PTGER3: variants seen among roughly 807,000 people sequenced by gnomAD.
The protein encoded by PTGER3 is prostaglandin E receptor 3, also known as prostaglandin E2 receptor EP3 subtype.
Under a neutral mutation model 34.7 loss-of-function variants are expected in PTGER3, and 22 were observed. That is an observed-to-expected ratio of 0.63 (90% confidence interval 0.45 to 0.91). PTGER3 has a LOEUF of 0.91. Ranked by LOEUF, PTGER3 falls within the 40% of genes least tolerant of loss-of-function variation. PTGER3 has a pLI of 0.00. For synonymous variants in PTGER3, 241 were observed against 230.1 expected (o/e 1.05, Z -0.43); for missense variants, 468 against 519.4 (o/e 0.90, Z 0.96).
chr1:71,009,007 C>CT, intron 2 of PTGER3: 1 of 984,006 alleles, frequency 1.0e-6, no homozygotes, highest in Non-Finnish European at 1.2e-6. Flanking sequence ...TTTCTATTTT[C>CT]TTTTTCTGAG....
chr1:70,875,669 T>C (rs1316176060), intron 4 of PTGER3, among the ~76,000 whole-genome samples: 2 of 152,170 alleles, frequency 1.3e-5, no homozygotes, highest in Non-Finnish European at 2.9e-5. Context: ...TTCCTTTCTT[T>C]ATGGTCATGT....
Position 70,929,308 on chromosome 1 carries a change from T to C in PTGER3, c.*23+24455A>G, listed in dbSNP as rs573256151. On this transcript the variant is annotated intron_variant, in intron 4 of 4. Coordinates refer to the PTGER3 transcript ENST00000370931. ...TTGTCTATCATTCAGCAGTAACATC[T>C]TGGTTACTGGGCTAATCTTAAAATC... Among the ~76,000 whole-genome samples, 203 of 152,350 alleles carry C rather than the reference T, an allele frequency of 1.3e-3. No homozygotes were observed. The Middle Eastern group carries it at 0.014, about 10-fold the overall frequency.
chr1:71,047,516 T>A lies in PTGER3; in HGVS notation c.62A>T (p.Tyr21Phe). ...ACGCTCGGGCGCCCACATGCCTGTG[T>A]AGGAGTGGTTGAGGCGGGTGCAGAA... The part of the protein sequence containing the change: ...APFCTRLNHS[Y>F]TGMWAPERSA... The change falls in exon 1 of 4, where the codon TAC (tyrosine) becomes TTC (phenylalanine). Residue 21 changes from tyrosine (Y) to phenylalanine (F), a missense_variant. By Grantham distance (22) the Tyr-to-Phe change is conservative. Coordinates refer to ENST00000306666, the MANE Select transcript of PTGER3 (RefSeq NM_198719.2). 1 of 1,600,014 alleles carries A rather than the reference T, an allele frequency of 6.2e-7. No individual in the cohort carries two copies. Among genetic ancestry groups the A allele is most frequent in the Non-Finnish European group, 8.5e-7 (1 of 1,174,416 alleles).
chr1:70,953,465 T>C (rs559486393), intron 3 of PTGER3, among the ~76,000 whole-genome samples: 25 of 152,232 alleles, frequency 1.6e-4, no homozygotes, highest in Middle Eastern at 3.4e-3. Context: ...ATAGCCTGAG[T>C]CTCTGATGAG....
chr1:71,026,028 C>T (rs10399706), intron 1 of PTGER3, among the ~76,000 whole-genome samples: 56,828 of 152,006 alleles, frequency 0.37, 11,538 homozygotes, highest in South Asian at 0.47. Context: ...TAAAATACCC[C>T]CCAGAATCTG....
intron 3 of PTGER3, 46 bp from the exon 4 acceptor site, chr1:70,971,779 TA>T (rs781489371): frequency 3.2e-5 from 44 of 1,371,504 alleles, no homozygotes; most frequent in Admixed American, 1.6e-4. Context: ...GGATGGGGAT[TA>T]TTTTTTTTAA....
chr1:70,984,803 G>GA (rs917624861), intron 2 of PTGER3, among the ~76,000 whole-genome samples: 52 of 151,770 alleles, frequency 3.4e-4, no homozygotes, highest in African/African-American at 1.1e-3. Context: ...TAATTTAAAG[G>GA]AAAAAAATAA....
chr1:70,980,268 G>A (rs755296023), intron 2 of PTGER3, among the ~76,000 whole-genome samples: 2 of 152,136 alleles, frequency 1.3e-5, no homozygotes, highest in Non-Finnish European at 2.9e-5. Context: ...TGGGGACTTC[G>A]ACATAGTTTG....
chr1:70,981,144 A>G (rs929971843), intron 2 of PTGER3, among the ~76,000 whole-genome samples: 4 of 152,144 alleles, frequency 2.6e-5, no homozygotes, highest in African/African-American at 9.7e-5. Flanking sequence ...GGTGGACAAT[A>G]GGCAAGAGAT....
At chr1:70,888,092 C>A (rs1393075553) in intron 4 of PTGER3, among the ~76,000 whole-genome samples, 2 of 152,172 alleles carry the variant, frequency 1.3e-5, no homozygotes, top group Non-Finnish European at 2.9e-5. Context: ...CACTAGCAAG[C>A]TTTCTCCTGG....
intron 1 of PTGER3, among the ~76,000 whole-genome samples, chr1:71,018,708 A>C (rs1658136757): frequency 1.3e-5 from 2 of 152,196 alleles, no homozygotes; most frequent in Admixed American, 1.3e-4. Flanking sequence ...TTACTTATTA[A>C]AATGATACGT....
intron 4 of PTGER3, among the ~76,000 whole-genome samples, chr1:70,900,777 T>C (rs1646819854): frequency 6.6e-6 from 1 of 152,158 alleles, no homozygotes; most frequent in African/African-American, 2.4e-5. Flanking sequence ...GTGTACTCTA[T>C]GAAGAATGTC....
intron 1 of PTGER3, among the ~76,000 whole-genome samples, chr1:71,036,245 GA>G (rs1416891466): frequency 1.3e-5 from 2 of 152,288 alleles, no homozygotes; most frequent in East Asian, 1.9e-4. Context: ...TCAAAGAGGA[GA>G]TCAAGAAACT....
chr1:70,914,656 A>G (rs1647134430), intron 4 of PTGER3, among the ~76,000 whole-genome samples: 1 of 151,824 alleles, frequency 6.6e-6, no homozygotes, highest in African/African-American at 2.4e-5. Context: ...CAAATTATCT[A>G]CTCAACTGAG....
chr1:70,993,771 G>A (rs1394481992), intron 2 of PTGER3, among the ~76,000 whole-genome samples: 5 of 152,182 alleles, frequency 3.3e-5, no homozygotes, highest in Non-Finnish European at 5.9e-5. Context: ...CCGAGTGAGT[G>A]AAAGAATAAG....
intron 3 of PTGER3, chr1:70,953,758 C>T (rs773752605): frequency 6.6e-7 from 1 of 1,511,972 alleles, no homozygotes; most frequent in South Asian, 1.3e-5. Context: ...ATCTTTGCAA[C>T]TTACTTGCTC....
chr1:71,025,298 C>T (rs889266494), intron 1 of PTGER3, among the ~76,000 whole-genome samples: 2 of 151,742 alleles, frequency 1.3e-5, no homozygotes, highest in Non-Finnish European at 2.9e-5. Context: ...TTCTGGTGTT[C>T]AGATGACAGC....
chr1:70,918,103 A>G (rs1572643475), intron 4 of PTGER3, among the ~76,000 whole-genome samples: 1 of 152,018 alleles, frequency 6.6e-6, no homozygotes, highest in East Asian at 1.9e-4. Flanking sequence ...TTTACAGCCA[A>G]CTGATTTTCA....
intron 2 of PTGER3, among the ~76,000 whole-genome samples, chr1:70,957,844 C>A (rs912787669): frequency 3.3e-5 from 5 of 152,186 alleles, no homozygotes; most frequent in Admixed American, 3.3e-4. Flanking sequence ...TTTTGTTGTC[C>A]CCCCTTCCAG....
Sources: allele counts gnomAD v4.1 joint callset (sites outside exome capture counted in the v4.1 genomes callset), GRCh38; gene constraint gnomAD v4.1.1; transcripts MANE v1.5; gene names NCBI Gene and HGNC (gene_info 2026-07-23, HGNC 2026-07-21).